Variants in ERCC1 observed in about 807,000 individuals in gnomAD.
The protein encoded by ERCC1 is ERCC excision repair 1, endonuclease non-catalytic subunit, also known as DNA excision repair protein ERCC-1.
ERCC1 carries 36 observed loss-of-function variants against 37.6 expected under a neutral mutation model. That is an observed-to-expected ratio of 0.96 (90% CI 0.73 to 1.26). The LOEUF (loss-of-function observed/expected upper bound fraction) is 1.26, where lower values mean the gene tolerates loss of function less well. Ranked by LOEUF, ERCC1 falls within the 50% of genes most tolerant of loss-of-function variation. The pLI is 0.00. For missense variants in ERCC1, 349 were observed against 376.5 expected (o/e 0.93, Z 0.60); for synonymous variants, 156 against 162.1 (o/e 0.96, Z 0.28).
At position 45,420,259 on chromosome 19, in the gene ERCC1, G is replaced by T; in HGVS notation, c.425+65C>A. On this transcript the variant is annotated intron_variant, in intron 4 of 9. Coordinates refer to ENST00000300853, the MANE Select transcript of ERCC1 (RefSeq NM_001983.4). The surrounding 1 kb of genome is among the most constrained non-coding windows in gnomAD (Gnocchi z 4.8). ...CTCATAGAACAGTCCAGAACACTGG[G>T]ACATGACCCTCCCAGGCCAGTGGGG... 9.5e-7 allele frequency: 1 copy of T among 1,048,956 alleles called. No individual in the cohort carries two copies. Among genetic ancestry groups the T allele is most frequent in the South Asian group, 1.3e-5 (1 of 75,778 alleles). The allele number at this position is 1,048,956 out of a possible 1,614,324, so 65.0% of individuals were successfully genotyped here. A position where few individuals can be genotyped will look rare whatever the true frequency, so the allele number is the denominator to read the frequency against.
At chr19:45,428,067 TTTTC>T (rs1174150788), upstream of ERCC1, among the ~76,000 whole-genome samples, 815 of 145,880 alleles carry the variant, frequency 5.6e-3, 4 homozygotes, top group Middle Eastern at 0.017. Flanking sequence ...CTTTTTTTCT[TTTTC>T]TTTCTTTCTT....
intron 5 of ERCC1, among the ~76,000 whole-genome samples, chr19:45,417,275 A>G (rs940282710): frequency 2.6e-5 from 4 of 152,132 alleles, no homozygotes; most frequent in Admixed American, 2.0e-4. Context: ...CCCAGGGCTC[A>G]CAGTCTGATG....
chr19:45,416,554 A>G, intron 6 of ERCC1: 1 of 464,002 alleles, frequency 2.2e-6, no homozygotes, highest in Non-Finnish European at 3.9e-6. Flanking sequence ...TGGGAGGCTG[A>G]GGCAGAATTG....
chr19:45,441,776 C>G (rs1341194488), intron 1 of ERCC1, among the ~76,000 whole-genome samples: 1 of 151,348 alleles, frequency 6.6e-6, no homozygotes, highest in Non-Finnish European at 1.5e-5. Context: ...CTCCTGGGTT[C>G]AAGTGGTTCT....
chr19:45,424,037 T>C, upstream of ERCC1: 1 of 1,047,740 alleles, frequency 9.5e-7, no homozygotes, highest in Non-Finnish European at 1.2e-6. Context: ...GGCCTGAGGA[T>C]CTGGCTCCCA....
chr19:45,421,207 AT>A lies in ERCC1; in HGVS notation c.291del (p.Lys97AsnfsTer7), dbSNP rs1974397102. The A allele has an allele frequency of 6.2e-7, 1 of 1,614,026 alleles. No individual in the cohort carries two copies. The highest frequency in any genetic ancestry group is 1.3e-5 in the African/African-American group (1 of 74,968). Reference sequence around the variant, plus strand: ...CGAGGGCTCACAATGATGCTGTTGGATTTTGCCCCGGGTTTCAGGGCCTGGT... The same window carrying A: ...CGAGGGCTCACAATGATGCTGTTGGATTTGCCCCGGGTTTCAGGGCCTGGT... ...TPNQALKPGA[K>X]SNSIIVSPRQ... is the part of the protein sequence containing the mutation. On this transcript the variant is annotated frameshift_variant, in exon 3 of 10. Coordinates refer to ENST00000300853, the MANE Select transcript of ERCC1 (RefSeq NM_001983.4). LOFTEE classifies it high-confidence loss of function.
intron 1 of ERCC1, among the ~76,000 whole-genome samples, chr19:45,430,369 T>A (rs1264736570): frequency 6.6e-6 from 1 of 152,208 alleles, no homozygotes; most frequent in Non-Finnish European, 1.5e-5. Flanking sequence ...CTTTTATTAT[T>A]ATTATCACCG....
chr19:45,414,241 C>A (rs1414082978), intron 7 of ERCC1: 2 of 608,116 alleles, frequency 3.3e-6, no homozygotes, highest in Non-Finnish European at 6.0e-6. Context: ...CTTTCGAGGC[C>A]GAGGCGGGAG....
intron 1 of ERCC1, among the ~76,000 whole-genome samples, chr19:45,434,588 T>C (rs1278511210): frequency 6.6e-6 from 1 of 152,082 alleles, no homozygotes; most frequent in African/African-American, 2.4e-5. Flanking sequence ...TTTTTTTGTT[T>C]TTGCTTTTGT....
chr19:45,444,358 TCCCACGCCC>T (rs1275705124), intron 1 of ERCC1, among the ~76,000 whole-genome samples: 1 of 117,984 alleles, frequency 8.5e-6, no homozygotes, highest in African/African-American at 3.2e-5. Flanking sequence ...CCGGGCGCGC[TCCCACGCCC>T]GGCGCGGGTT....
Position 45,409,667 on chromosome 19 carries a change from TG to T in ERCC1, c.*7del, listed in dbSNP as rs780421259. On this transcript the variant is annotated 3_prime_UTR_variant, in exon 10 of 10. Transcript: ENST00000300853. ...TTACACTGGGGGTTTCCTTGGCAGC[TG>T]GGGTCATCAGGGTACTTTCAAGAAG... 1.1e-5 allele frequency: 14 copies of T among 1,291,134 alleles called. No homozygotes were observed. Among genetic ancestry groups the T allele is most frequent in the Non-Finnish European group, 1.6e-5 (14 of 886,038 alleles). The allele number at this position is 1,291,134 out of a possible 1,614,324, so 80.0% of individuals were successfully genotyped here.
chr19:45,433,412 G>C (rs1974886043), intron 1 of ERCC1, among the ~76,000 whole-genome samples: 1 of 151,234 alleles, frequency 6.6e-6, no homozygotes, highest in African/African-American at 2.4e-5. Flanking sequence ...TGGAATCCCA[G>C]CTACTTGGGA....
At chr19:45,433,665 G>GTGACAGAGCAAGACTCTGTCTTTAA (rs1974893160) in intron 1 of ERCC1, among the ~76,000 whole-genome samples, 1 of 150,652 alleles carries the variant, frequency 6.6e-6, no homozygotes, top group Admixed American at 6.6e-5. Flanking sequence ...ACCAGCCTGG[G>GTGACAGAGCAAGACTCTGTCTTTAA]TGACAGAGCA....
chr19:45,416,566 T>G (rs1479503932), intron 6 of ERCC1: 1 of 481,140 alleles, frequency 2.1e-6, no homozygotes, highest in African/African-American at 2.0e-5. Context: ...GCAGAATTGC[T>G]TGAACCCCCA....
chr19:45,413,678 T>G lies in ERCC1; in HGVS notation c.842A>C (p.Lys281Thr). The change falls in exon 9 of 10, where the codon AAA becomes ACA. Residue 281 changes from lysine (K) to threonine (T), a missense_variant and splice_region_variant. Lys to Thr is a moderately conservative substitution (Grantham distance 78, BLOSUM62 -1). Coordinates refer to ENST00000300853, the MANE Select transcript of ERCC1 (RefSeq NM_001983.4). Reference sequence around the variant, plus strand: ...TGGGTTCTTTCCCAGAGCTCTTACTTTCTGAGGGCCCAGGCCTGGGCATAA... The same window carrying G: ...TGGGTTCTTTCCCAGAGCTCTTACTGTCTGAGGGCCCAGGCCTGGGCATAA... Reference protein sequence around the residue: ...LALCPGLGPQKARRLFDVLHE... With the variant: ...LALCPGLGPQTARRLFDVLHE... 1 of 1,614,182 alleles carries G rather than the reference T, an allele frequency of 6.2e-7. No individual in the cohort carries two copies. Among genetic ancestry groups the G allele is most frequent in the Non-Finnish European group, 8.5e-7 (1 of 1,180,026 alleles).
rs961569382 is a variant in ERCC1, at chr19:45,407,822, G to A, written c.*1853C>T. 6 of 272,726 alleles carry A rather than the reference G, an allele frequency of 2.2e-5. No homozygotes were observed. Among genetic ancestry groups the A allele is most frequent in the South Asian group, 1.2e-4 (1 of 8,634 alleles). 16.9% of individuals were successfully genotyped at this position (272,726 alleles called of 1,614,324 possible). ...CTGTAATCCCATCCTTTGGGAGGCC[G>A]AGGCGAGCAGATCACTTGAGGTCAG... On this transcript the variant is annotated 3_prime_UTR_variant, in exon 10 of 10. Coordinates refer to ENST00000300853, the MANE Select transcript of ERCC1 (RefSeq NM_001983.4).
upstream of ERCC1, among the ~76,000 whole-genome samples, chr19:45,428,007 A>G (rs902314484): frequency 2.0e-5 from 3 of 148,656 alleles, no homozygotes; most frequent in Admixed American, 6.7e-5. Flanking sequence ...GTTCTACGTT[A>G]TTTCCAAGTT....
chr19:45,412,490 G>C (rs1396657559), intron 9 of ERCC1, among the ~76,000 whole-genome samples: 1 of 152,014 alleles, frequency 6.6e-6, no homozygotes, highest in Non-Finnish European at 1.5e-5. Flanking sequence ...TTTTTCTGAT[G>C]ATCAATGATG....
chr19:45,418,230 TC>T (rs1974178302), intron 5 of ERCC1, among the ~76,000 whole-genome samples: 1 of 151,992 alleles, frequency 6.6e-6, no homozygotes, highest in African/African-American at 2.4e-5. Flanking sequence ...GCACCTGTAA[TC>T]CCAGCTATTC....
Sources: gnomAD v4.1 joint callset for allele counts (sites outside exome capture counted in the v4.1 genomes callset) on GRCh38, gnomAD v4.1.1 for gene constraint, Gnocchi (gnomAD v3.1) non-coding constraint, MANE v1.5 for transcripts, NCBI Gene and HGNC (gene_info 2026-07-23, HGNC 2026-07-21) for gene names.